DNAH5: variants seen among roughly 807,000 people sequenced by gnomAD.
The protein encoded by DNAH5 is dynein axonemal heavy chain 5, also known as axonemal beta dynein heavy chain 5.
DNAH5 carries 372 observed loss-of-function variants against 518.2 expected under a neutral mutation model. That is an observed-to-expected ratio of 0.72 (90% CI 0.66 to 0.78). DNAH5 has a LOEUF of 0.78. DNAH5 is among the 30% of genes least tolerant of loss of function. The probability of loss-of-function intolerance (pLI) is 0.00; values close to 1 mark genes in which losing one functional copy is unlikely to be tolerated. For missense variants in DNAH5, 5,523 were observed against 5,687.0 expected (o/e 0.97, Z 0.93); for synonymous variants, 2,039 against 2,025.9 (o/e 1.01, Z -0.17).
chr5:13,711,972 C>G (rs1196840188), intron 75 of DNAH5, among the ~76,000 whole-genome samples: 3 of 152,128 alleles, frequency 2.0e-5, no homozygotes, highest in Non-Finnish European at 4.4e-5. Flanking sequence ...CAATCCCTAT[C>G]AAAATACCAC....
At position 13,748,565 on chromosome 5, in the gene DNAH5, T is replaced by A. The variant is rs376680490; in HGVS notation, c.11211+2513A>T. Among the ~76,000 whole-genome samples the A allele has an allele frequency of 3.3e-5, 5 of 152,164 alleles. No homozygotes were observed. In the East Asian group the frequency reaches 5.8e-4, roughly 18 times the overall value. ...CCTCTTTTATTTCGTTTAGCAGTGG[T>A]TTGTAGTTCTCCTTGAAGAGGTCCT... On this transcript the variant is annotated intron_variant, in intron 65 of 78. Transcript: ENST00000265104.
At chr5:14,003,410 G>T (rs1426754476) in intron 1 of DNAH5, among the ~76,000 whole-genome samples, 1 of 152,124 alleles carries the variant, frequency 6.6e-6, no homozygotes. Flanking sequence ...GCAGTACTTT[G>T]CCTTCTTTGG....
chr5:13,817,729 G>A, intron 41 of DNAH5, 35 bp from the exon 42 acceptor site: 1 of 1,608,280 alleles, frequency 6.2e-7, no homozygotes, highest in African/African-American at 1.3e-5. Flanking sequence ...AGACATCTCA[G>A]ATGGGAAGTG....
rs374917069 is a variant in DNAH5, at chr5:13,859,612, T to C, written c.4797-7A>G. 213 of 1,613,400 alleles carry C rather than the reference T, an allele frequency of 1.3e-4. No homozygotes were observed. Among genetic ancestry groups the C allele is most frequent in the Non-Finnish European group, 1.7e-4 (204 of 1,179,418 alleles). ...TTTGAATGGCATATTGTACCTAAAA[T>C]AAGAAATAGGTTTAGGGTTTGGTTT... On this transcript the variant is annotated splice_polypyrimidine_tract_variant and splice_region_variant and intron_variant, in intron 29 of 78. Coordinates refer to ENST00000265104, the MANE Select transcript of DNAH5 (RefSeq NM_001369.3).
chr5:13,787,203 C>CAA (rs202066683), intron 51 of DNAH5, among the ~76,000 whole-genome samples: 3 of 107,600 alleles, frequency 2.8e-5, no homozygotes, highest in African/African-American at 7.3e-5. Context: ...GACTCTGTTT[C>CAA]AAAAAAAAAA....
chr5:13,964,860 G>C (rs1305419820), intron 1 of DNAH5, among the ~76,000 whole-genome samples: 1 of 152,168 alleles, frequency 6.6e-6, no homozygotes, highest in East Asian at 1.9e-4. Flanking sequence ...ATGCCTTTGG[G>C]CCCCAGGACC....
chr5:13,938,603 G>A (rs954432981), intron 1 of DNAH5, among the ~76,000 whole-genome samples: 2 of 151,552 alleles, frequency 1.3e-5, no homozygotes, highest in Admixed American at 6.6e-5. Context: ...AAAAAACATA[G>A]TATATATAGG....
At chr5:13,759,010 A>G in intron 60 of DNAH5, 27 bp from the exon 61 acceptor site, 3 of 1,613,898 alleles carry the variant, frequency 1.9e-6, no homozygotes, top group Non-Finnish European at 2.5e-6. Context: ...CAGAGTGAAG[A>G]GATGGGCAGC....
rs143074255 is a variant in DNAH5 at position 13,887,313 on chromosome 5, C to T, written c.2578-1184G>A. Among the ~76,000 whole-genome samples the T allele has an allele frequency of 9.5e-4, 144 of 152,324 alleles. 1 individual carries two copies. The highest frequency in any genetic ancestry group is 1.9e-3 in the Non-Finnish European group (128 of 68,036). On this transcript the variant is annotated intron_variant, in intron 17 of 78. Transcript: ENST00000265104. Reference sequence around the variant, plus strand: ...ATAGTTCCAACAACGTTGTTTACATCTCTTAACTCTTTCTCTCTGTGAGAA... The same window carrying T: ...ATAGTTCCAACAACGTTGTTTACATTTCTTAACTCTTTCTCTCTGTGAGAA...
At chr5:13,874,458 T>A (rs1046251495) in intron 22 of DNAH5, among the ~76,000 whole-genome samples, 27 of 152,200 alleles carry the variant, frequency 1.8e-4, no homozygotes, top group African/African-American at 6.5e-4. Context: ...GAACTACATA[T>A]GTAGAGTTGT....
chr5:13,727,710 A>G, intron 69 of DNAH5, 54 bp from the exon 70 acceptor site: 1 of 1,597,596 alleles, frequency 6.3e-7, no homozygotes, highest in Non-Finnish European at 8.6e-7. Context: ...ATCTTTCAGT[A>G]ACAGGTCATA....
At chr5:13,712,142 A>G (rs1372626567) in intron 75 of DNAH5, among the ~76,000 whole-genome samples, 1 of 152,216 alleles carries the variant, frequency 6.6e-6, no homozygotes, top group African/African-American at 2.4e-5. Flanking sequence ...AACTGAATAG[A>G]ACAGAGAACC....
chr5:13,786,761 A>G (rs563683676), intron 51 of DNAH5, among the ~76,000 whole-genome samples: 2 of 152,320 alleles, frequency 1.3e-5, no homozygotes, highest in East Asian at 3.9e-4. Flanking sequence ...TACTCAGGAA[A>G]TTTTTATAAT....
intron 6 of DNAH5, among the ~76,000 whole-genome samples, chr5:13,920,013 T>C (rs1777083700): frequency 6.6e-6 from 1 of 152,218 alleles, no homozygotes; most frequent in East Asian, 1.9e-4. Context: ...CTCTATAACC[T>C]TGGAGGAACA....
Position 13,700,761 on chromosome 5 carries a change from A to G in DNAH5, c.13602T>C (p.Tyr4534=), listed in dbSNP as rs1579806394. ...CACCTTCAAGATATAAGCCATAGAC[A>G]TAGACACCCTCTGTGGGAGGGGCAG... The part of the protein sequence containing the change: ...DISAPPTEGV[Y]VYGLYLEGAG... Residue 4534 remains tyrosine (Y), a synonymous_variant, in exon 78 of 79, where the codon TAT becomes TAC. Transcript: ENST00000265104. The G allele has an allele frequency of 6.2e-7, 1 of 1,614,188 alleles. No homozygotes were observed. Among genetic ancestry groups the G allele is most frequent in the Non-Finnish European group, 8.5e-7 (1 of 1,180,010 alleles).
chr5:13,878,925 C>A (rs1288590001), intron 21 of DNAH5, among the ~76,000 whole-genome samples: 1 of 152,206 alleles, frequency 6.6e-6, no homozygotes, highest in African/African-American at 2.4e-5. Context: ...TCCAACATTT[C>A]CAGCTACATC....
intron 51 of DNAH5, among the ~76,000 whole-genome samples, chr5:13,788,346 T>G (rs1756397283): frequency 6.6e-6 from 1 of 152,180 alleles, no homozygotes; most frequent in Non-Finnish European, 1.5e-5. Context: ...TAGTAATACT[T>G]TCATTTTTAT....
chr5:13,957,066 G>A (rs984797092), intron 1 of DNAH5, among the ~76,000 whole-genome samples: 5 of 152,136 alleles, frequency 3.3e-5, no homozygotes, highest in Non-Finnish European at 7.4e-5. Flanking sequence ...TCAGATTCTG[G>A]TTACAAGATT....
In DNAH5 at chr5:13,900,388, C is replaced by G. The variant is rs149959033; in HGVS notation, c.2077G>C (p.Glu693Gln). Residue 693 changes from glutamate to glutamine, a missense_variant, in exon 15 of 79, where the codon GAG becomes CAG. Physicochemically the swap from Glu to Gln is conservative, Grantham distance 29 (BLOSUM62 2). This residue lies in a region of DNAH5 where 5,121 missense variants were observed against 5,223.3 expected (regional missense o/e 0.98). Coordinates refer to ENST00000265104, the MANE Select transcript of DNAH5 (RefSeq NM_001369.3). ...RQIEEIHVGL[E>Q]ASLLVKAPGT... Reference sequence around the variant, plus strand: ...GGAGCCTTCACCAATAATGAAGCCTCAAGACCTACATGAATTTCTTCAATC... The same window carrying G: ...GGAGCCTTCACCAATAATGAAGCCTGAAGACCTACATGAATTTCTTCAATC... 3 of 1,614,122 alleles carry G rather than the reference C, an allele frequency of 1.9e-6. No homozygotes were observed. In the African/African-American group the frequency reaches 4.0e-5, roughly 22 times the overall value.
Sources: gnomAD v4.1 joint callset for allele counts (sites outside exome capture counted in the v4.1 genomes callset) on GRCh38, gnomAD v4.1.1 for gene constraint, gnomAD v4.1.1 regional missense constraint, MANE v1.5 for transcripts, NCBI Gene and HGNC (gene_info 2026-07-23, HGNC 2026-07-21) for gene names.